SNAP91: variants seen among roughly 807,000 people sequenced by gnomAD.
SNAP91 encodes the protein synaptosome associated protein 91.
In SNAP91, 27 loss-of-function variants were observed where a neutral mutation model predicts 100.3. The ratio of observed to expected loss-of-function variants is 0.27; its 90% CI spans 0.20 to 0.37. The LOEUF (loss-of-function observed/expected upper bound fraction) is 0.37, where lower values mean the gene tolerates loss of function less well. SNAP91 is among the 10% of genes least tolerant of loss of function. The pLI, the probability that SNAP91 is intolerant of heterozygous loss-of-function variation, is 1.00. For missense variants in SNAP91, 986 were observed against 1,123.7 expected (o/e 0.88, Z 1.75); for synonymous variants, 404 against 398.6 (o/e 1.01, Z -0.16).
At chr6:83,688,966 T>C (rs1286627061) in intron 2 of SNAP91, among the ~76,000 whole-genome samples, 1 of 152,170 alleles carries the variant, frequency 6.6e-6, no homozygotes, top group Non-Finnish European at 1.5e-5. Context: ...TCCTACATCA[T>C]CTCACTAAGT....
chr6:83,561,655 T>G (rs184730102), intron 26 of SNAP91, among the ~76,000 whole-genome samples: 9 of 152,310 alleles, frequency 5.9e-5, no homozygotes, highest in Non-Finnish European at 1.5e-5. Flanking sequence ...TCTAATGGTA[T>G]TGGGTTAGAC....
chr6:83,662,562 A>T, intron 3 of SNAP91, 140 bp from the exon 4 acceptor site: 1 of 368,312 alleles, frequency 2.7e-6, no homozygotes, highest in Non-Finnish European at 5.0e-6. Flanking sequence ...TAGAATGCTG[A>T]ATTTCTCTGA....
Position 83,592,938 on chromosome 6 carries a change from G to T in SNAP91, c.1846+8C>A. On this transcript the variant is annotated splice_region_variant and intron_variant, in intron 20 of 29. Coordinates refer to ENST00000369694, the MANE Select transcript of SNAP91 (RefSeq NM_001242792.2). ...TCTCTGAAGTCCTGACCTTGGCAAA[G>T]CACTCACCAGATAAGAGGTCAGCAG... The T allele has an allele frequency of 6.4e-7, 1 of 1,572,364 alleles. No homozygotes were observed. Among genetic ancestry groups the T allele is most frequent in the Non-Finnish European group, 8.6e-7 (1 of 1,157,460 alleles).
At chr6:83,605,359 T>A (rs2095544286) in intron 14 of SNAP91, among the ~76,000 whole-genome samples, 1 of 151,924 alleles carries the variant, frequency 6.6e-6, no homozygotes, top group Non-Finnish European at 1.5e-5. Flanking sequence ...AAGGCCTGAG[T>A]CTCTAGAGAA....
At chr6:83,620,203 G>A (rs1158155715) in intron 9 of SNAP91, among the ~76,000 whole-genome samples, 1 of 152,084 alleles carries the variant, frequency 6.6e-6, no homozygotes, top group African/African-American at 2.4e-5. Context: ...TGCTGAAAGA[G>A]GAATTCTAAT....
At chr6:83,660,936 G>A (rs1383607275) in intron 5 of SNAP91, among the ~76,000 whole-genome samples, 3 of 151,816 alleles carry the variant, frequency 2.0e-5, no homozygotes, top group African/African-American at 4.8e-5. Context: ...ACACCACCAC[G>A]CCTGACTAAT....
At chr6:83,585,794 C>T (rs35992648) in intron 22 of SNAP91, among the ~76,000 whole-genome samples, 6,370 of 151,674 alleles carry the variant, frequency 0.042, 413 homozygotes, top group East Asian at 0.19. Flanking sequence ...TCATAGTCTA[C>T]ATAGTCTATC....
Position 83,704,371 on chromosome 6 carries a change from GT to G in SNAP91, c.130+3426del, listed in dbSNP as rs546686086. ...AAAGAAAGTTTTACATAATCCAAAA[GT>G]GCCATAAAATATATAATCCTTACTT... is the stretch of plus-strand genomic sequence containing the variant. On this transcript the variant is annotated intron_variant, in intron 2 of 29. Transcript: ENST00000369694. Among the ~76,000 whole-genome samples, 15 of 152,108 alleles carry G rather than the reference GT, an allele frequency of 9.9e-5. No homozygotes were observed. The South Asian group carries it at 3.1e-3, about 32-fold the overall frequency.
intron 2 of SNAP91, among the ~76,000 whole-genome samples, chr6:83,676,011 T>C (rs1289274063): frequency 6.6e-6 from 1 of 151,552 alleles, no homozygotes; most frequent in Non-Finnish European, 1.5e-5. Flanking sequence ...GCTGGGAGGC[T>C]GAGGTGGGAA....
intron 26 of SNAP91, among the ~76,000 whole-genome samples, chr6:83,561,844 C>G (rs928311274): frequency 6.6e-6 from 1 of 152,090 alleles, no homozygotes; most frequent in East Asian, 1.9e-4. Flanking sequence ...TAGCAAGAAC[C>G]CATCTCCACA....
chr6:83,667,810 A>G (rs1310363427), intron 2 of SNAP91, among the ~76,000 whole-genome samples: 1 of 152,198 alleles, frequency 6.6e-6, no homozygotes, highest in Non-Finnish European at 1.5e-5. Context: ...CAACGGCAAC[A>G]AAAGCCAAAA....
intron 7 of SNAP91, among the ~76,000 whole-genome samples, chr6:83,651,467 A>T (rs1399831919): frequency 2.0e-5 from 3 of 152,174 alleles, no homozygotes; most frequent in Non-Finnish European, 4.4e-5. Flanking sequence ...AGTTCAAAAT[A>T]TTCTTACATT....
chr6:83,586,212 C>T (rs1460550091), intron 22 of SNAP91, among the ~76,000 whole-genome samples: 1 of 152,132 alleles, frequency 6.6e-6, no homozygotes, highest in Non-Finnish European at 1.5e-5. Flanking sequence ...AGAATTGATC[C>T]TCTGTAGACT....
intron 11 of SNAP91, 57 bp from the exon 12 acceptor site, chr6:83,610,734 TATATATATATATAA>T (rs1409581886): frequency 0.032 from 6,681 of 211,344 alleles, 252 homozygotes; most frequent in Admixed American, 0.053. Context: ...TATATATATA[TATATATATATATAA>T]ATATATATGT....
At chr6:83,617,562 A>G (rs1223385048) in intron 9 of SNAP91, among the ~76,000 whole-genome samples, 1 of 151,620 alleles carries the variant, frequency 6.6e-6, no homozygotes, top group Non-Finnish European at 1.5e-5. Flanking sequence ...CTAATAATCA[A>G]TAACAATTAA....
intron 2 of SNAP91, among the ~76,000 whole-genome samples, chr6:83,702,000 C>T (rs1255280234): frequency 6.6e-6 from 1 of 152,140 alleles, no homozygotes; most frequent in Non-Finnish European, 1.5e-5. Context: ...TTCAACCAAT[C>T]TTCCCTTGGT....
intron 2 of SNAP91, among the ~76,000 whole-genome samples, chr6:83,666,185 G>A (rs529217571): frequency 6.6e-6 from 1 of 152,076 alleles, no homozygotes; most frequent in Non-Finnish European, 1.5e-5. Flanking sequence ...TTGTAAGAGA[G>A]TAAACCTTTA....
chr6:83,556,188 G>A lies in SNAP91; in HGVS notation c.2689C>T (p.Pro897Ser). ...QSPKKPPAKD[P>S]LADLNIKDFL is the part of the protein sequence containing the mutation. ...TCCTTGATGTTAAGATCCGCTAATG[G>A]GTCCTTTGCTGGAGGTTTCTTGGGA... The change falls in exon 29 of 30, where the codon CCA becomes TCA. Residue 897 changes from proline (P) to serine (S), a missense_variant. Pro to Ser is a moderately conservative substitution (Grantham distance 74). Around this residue, in one of 4 missense-constraint regions of SNAP91, gnomAD observed 71 missense variants for 68.5 expected, o/e 1.04. Transcript: ENST00000369694. The A allele has an allele frequency of 3.2e-6, 5 of 1,575,302 alleles. No individual in the cohort carries two copies. The highest frequency in any genetic ancestry group is 4.3e-6 in the Non-Finnish European group (5 of 1,160,198).
chr6:83,672,749 C>T (rs937670482), intron 2 of SNAP91, among the ~76,000 whole-genome samples: 6 of 152,274 alleles, frequency 3.9e-5, no homozygotes, highest in Non-Finnish European at 7.4e-5. Flanking sequence ...CTCTCAATAA[C>T]TCTTACTAGA....
Sources: allele counts gnomAD v4.1 joint callset (sites outside exome capture counted in the v4.1 genomes callset), GRCh38; gene constraint gnomAD v4.1.1; regional missense constraint gnomAD v4.1.1; transcripts MANE v1.5; gene names NCBI Gene and HGNC (gene_info 2026-07-23, HGNC 2026-07-21).